Variants in NRXN1 observed in about 807,000 individuals in gnomAD.
NRXN1 encodes the protein neurexin-1.
In NRXN1, 39 loss-of-function variants were observed where a neutral mutation model predicts 150.9. The ratio of observed to expected loss-of-function variants is 0.26; its 90% confidence interval spans 0.20 to 0.34. NRXN1 has a LOEUF of 0.34. NRXN1 is among the 10% of genes least tolerant of loss of function. The probability of loss-of-function intolerance (pLI) is 1.00; values close to 1 mark genes in which losing one functional copy is unlikely to be tolerated. For synonymous variants in NRXN1, 924 were observed against 757.0 expected (o/e 1.22, Z -3.62); for missense variants, 1,815 against 1,949.9 (o/e 0.93, Z 1.30).
At chr2:49,999,707 G>C (rs1683588749) in intron 21 of NRXN1, among the ~76,000 whole-genome samples, 1 of 152,126 alleles carries the variant, frequency 6.6e-6, no homozygotes. Context: ...TCTTCAATTT[G>C]CCTCCTCCCA....
intron 9 of NRXN1, among the ~76,000 whole-genome samples, chr2:50,541,260 C>T (rs2093382845): frequency 6.6e-6 from 1 of 152,136 alleles, no homozygotes. Context: ...AAAGGCTGTA[C>T]TGTCCTTGCT....
chr2:50,637,044 A>T (rs1325802261), intron 5 of NRXN1, among the ~76,000 whole-genome samples: 1 of 152,182 alleles, frequency 6.6e-6, no homozygotes, highest in African/African-American at 2.4e-5. Flanking sequence ...ATTTGAAATT[A>T]GGAGCCCTAG....
chr2:50,569,766 GC>G (rs1670387868), intron 8 of NRXN1, among the ~76,000 whole-genome samples: 1 of 152,078 alleles, frequency 6.6e-6, no homozygotes, highest in Non-Finnish European at 1.5e-5. Context: ...CAGACCCCTG[GC>G]CCTGTCATTA....
chr2:50,397,039 C>G (rs79287573), intron 17 of NRXN1, among the ~76,000 whole-genome samples: 1 of 151,932 alleles, frequency 6.6e-6, no homozygotes, highest in Admixed American at 6.6e-5. Context: ...CTGACTCTCC[C>G]GAAGATGGTC....
intron 5 of NRXN1, among the ~76,000 whole-genome samples, chr2:50,765,431 A>G (rs1301755505): frequency 6.6e-6 from 1 of 152,036 alleles, no homozygotes; most frequent in African/African-American, 2.4e-5. Context: ...GTGTTTCTCT[A>G]TCTTCTCTCA....
chr2:50,686,948 G>C (rs994962924), intron 5 of NRXN1, among the ~76,000 whole-genome samples: 13 of 152,138 alleles, frequency 8.5e-5, no homozygotes, highest in African/African-American at 3.1e-4. Context: ...GTTTATGTTG[G>C]GAGGAAGATG....
At chr2:50,750,083 G>A (rs1282683464) in intron 5 of NRXN1, among the ~76,000 whole-genome samples, 4 of 152,006 alleles carry the variant, frequency 2.6e-5, no homozygotes, top group Non-Finnish European at 4.4e-5. Flanking sequence ...ATTGGGATGG[G>A]AGATCTTATC....
intron 9 of NRXN1, among the ~76,000 whole-genome samples, chr2:50,541,005 A>G (rs985702188): frequency 6.6e-6 from 1 of 152,194 alleles, no homozygotes; most frequent in East Asian, 1.9e-4. Flanking sequence ...ATTCTACTCT[A>G]TTTTCCAATT....
intron 17 of NRXN1, among the ~76,000 whole-genome samples, chr2:50,301,471 T>A (rs1296992387): frequency 6.6e-6 from 1 of 152,192 alleles, no homozygotes; most frequent in Non-Finnish European, 1.5e-5. Flanking sequence ...GAACATTTGT[T>A]TAATAAGTTA....
At position 50,925,990 on chromosome 2, in the gene NRXN1, A is replaced by G. The variant is rs200626622; in HGVS notation, c.773-35T>C. The G allele has an allele frequency of 8.1e-5, 125 of 1,550,902 alleles. No homozygotes were observed. In the South Asian group the frequency reaches 1.3e-3, roughly 16 times the overall value. ...CATGACAAGGAGGGAGAGAAAAGGA[A>G]AAACATTCATTAAGCAGCATGCAGA... On this transcript the variant is annotated intron_variant, in intron 2 of 22. Transcript: ENST00000401669.
chr2:50,867,489 G>C (rs1015086164), intron 5 of NRXN1, among the ~76,000 whole-genome samples: 2 of 151,802 alleles, frequency 1.3e-5, no homozygotes, highest in Non-Finnish European at 2.9e-5. Context: ...GCTCTCCAGG[G>C]TGCACATTTA....
At chr2:50,695,916 C>T (rs1342203801) in intron 5 of NRXN1, among the ~76,000 whole-genome samples, 1 of 145,728 alleles carries the variant, frequency 6.9e-6, no homozygotes, top group Non-Finnish European at 1.5e-5. Context: ...AATCTTGGCT[C>T]ACTGCAACCT....
intron 13 of NRXN1, among the ~76,000 whole-genome samples, chr2:50,501,643 T>A (rs1404624239): frequency 2.7e-5 from 4 of 147,046 alleles, no homozygotes; most frequent in African/African-American, 1.0e-4. Flanking sequence ...ACACACAGAT[T>A]AAAAAAAAAA....
Position 50,384,516 on chromosome 2 carries a change from A to AT in NRXN1, c.3364+80925_3364+80926insA, listed in dbSNP as rs1558640722. Among the ~76,000 whole-genome samples the AT allele has an allele frequency of 1.6e-3, 191 of 116,450 alleles. 2 individuals are homozygous for AT. The highest frequency in any genetic ancestry group is 1.6e-3 in the Non-Finnish European group (79 of 49,488). The allele number at this position is 116,450 out of a possible 152,430, so 76.4% of individuals were successfully genotyped here. ...GCAAGACTCCATCTCAAAAAAAAAA[A>AT]AAAAAAAAAAAAAAAAAAATGCATC... On this transcript the variant is annotated intron_variant, in intron 17 of 22. Transcript: ENST00000401669.
At chr2:50,678,367 A>G (rs1433051004) in intron 5 of NRXN1, among the ~76,000 whole-genome samples, 1 of 152,212 alleles carries the variant, frequency 6.6e-6, no homozygotes, top group Non-Finnish European at 1.5e-5. Context: ...GTTATTGACT[A>G]TCTTTAGAAA....
chr2:50,169,731 AAG>A (rs1020353218), intron 18 of NRXN1, among the ~76,000 whole-genome samples: 1,751 of 134,050 alleles, frequency 0.013, 82 homozygotes, highest in African/African-American at 0.068. Flanking sequence ...AAAAAAAAGA[AAG>A]AAAGAAATTA....
chr2:50,180,500 A>T (rs2060639772), intron 18 of NRXN1, among the ~76,000 whole-genome samples: 1 of 152,084 alleles, frequency 6.6e-6, no homozygotes, highest in Admixed American at 6.6e-5. Context: ...GATGGTGTCT[A>T]ATGGGAGGTG....
chr2:50,171,799 C>T (rs916256956), intron 18 of NRXN1, among the ~76,000 whole-genome samples: 11 of 152,156 alleles, frequency 7.2e-5, no homozygotes, highest in Non-Finnish European at 1.2e-4. Flanking sequence ...CTGACATACC[C>T]GCCTGAAGGA....
chr2:50,087,465 T>C (rs866660026), intron 19 of NRXN1, among the ~76,000 whole-genome samples: 13 of 152,132 alleles, frequency 8.5e-5, no homozygotes, highest in African/African-American at 1.9e-4. Flanking sequence ...GTAAGCAAGA[T>C]GATGTTAGGC....
Sources: gnomAD v4.1 joint callset for allele counts (sites outside exome capture counted in the v4.1 genomes callset) on GRCh38, gnomAD v4.1.1 for gene constraint, MANE v1.5 for transcripts, NCBI Gene and HGNC (gene_info 2026-07-23, HGNC 2026-07-21) for gene names.